The following TRA2B variants were observed in gnomAD, a reference collection of about 807,000 sequenced individuals.
TRA2B encodes transformer 2 beta homolog.
In TRA2B, 14 loss-of-function variants were observed where a neutral mutation model predicts 41.7. That is an observed-to-expected ratio of 0.34 (90% CI 0.22 to 0.53). The LOEUF is 0.53. Among genes scored for constraint, TRA2B ranks in the 20% least tolerant of loss-of-function variants. The pLI is 0.95. For missense variants in TRA2B, 167 were observed against 396.8 expected, an observed-to-expected ratio of 0.42 and a Z score of 4.92; for synonymous variants, 130 against 128.8, an observed-to-expected ratio of 1.01 and a Z score of -0.06.
intron 1 of TRA2B, among the ~76,000 whole-genome samples, chr3:185,930,793 A>T (rs1353593501): frequency 6.6e-6 from 1 of 152,194 alleles, no homozygotes; most frequent in Admixed American, 6.5e-5. Context: ...TACCTCTAAC[A>T]TTACAATAGC....
rs922325141 is a variant in TRA2B, at chr3:185,916,713, G to C, written c.*1002C>G. ...AAGAACTCTAATTATAATAGAACAA[G>C]AACACTTCTTTGTGAACAGCTGCAC... On this transcript the variant is annotated 3_prime_UTR_variant, in exon 9 of 9. Coordinates refer to ENST00000453386, the MANE Select transcript of TRA2B (RefSeq NM_004593.3). 1 of 152,558 alleles carries C rather than the reference G, an allele frequency of 6.6e-6. No homozygotes were observed. Among genetic ancestry groups the C allele is most frequent in the African/African-American group, 2.4e-5 (1 of 41,422 alleles). The allele number at this position is 152,558 out of a possible 1,614,324, so 9.5% of individuals were successfully genotyped here.
chr3:185,921,630 G>A (rs960118768), intron 5 of TRA2B, among the ~76,000 whole-genome samples: 10 of 152,084 alleles, frequency 6.6e-5, no homozygotes, highest in African/African-American at 2.2e-4. Flanking sequence ...CGGACGTTGC[G>A]ACACGCGCCT....
intron 1 of TRA2B, among the ~76,000 whole-genome samples, chr3:185,929,360 T>A (rs1038900836): frequency 6.6e-6 from 1 of 152,136 alleles, no homozygotes; most frequent in African/African-American, 2.4e-5. Flanking sequence ...AAAAACCAGT[T>A]GGGGAAGTCC....
Position 185,920,070 on chromosome 3 carries a change from T to C in TRA2B, c.723-574A>G, listed in dbSNP as rs375236021. On this transcript the variant is annotated intron_variant, in intron 6 of 8. Coordinates refer to ENST00000453386, the MANE Select transcript of TRA2B (RefSeq NM_004593.3). ...ATCTTTGGAAGTATTCTCAAAGATA[T>C]CTTTATTTTTAAACTATGATTGACA... Among the ~76,000 whole-genome samples the C allele has an allele frequency of 2.7e-4, 41 of 152,294 alleles. 1 individual carries two copies. The East Asian group carries it at 4.2e-3, about 16-fold the overall frequency.
intron 1 of TRA2B, among the ~76,000 whole-genome samples, chr3:185,933,915 G>A (rs1385538869): frequency 6.6e-6 from 1 of 151,884 alleles, no homozygotes; most frequent in Non-Finnish European, 1.5e-5. Flanking sequence ...ACAAAAATTA[G>A]AGAAAAAGGG....
At chr3:185,927,833 C>G (rs375486803) in intron 1 of TRA2B, 2 of 152,344 alleles carry the variant, frequency 1.3e-5, no homozygotes, top group African/African-American at 2.4e-5. Flanking sequence ...GAGGAAAGGA[C>G]AGAACCTACT....
chr3:185,932,288 G>A (rs1410762859), intron 1 of TRA2B, among the ~76,000 whole-genome samples: 1 of 152,174 alleles, frequency 6.6e-6, no homozygotes, highest in Non-Finnish European at 1.5e-5. Flanking sequence ...GCTCAGGGTT[G>A]AAGAGGTTTA....
rs1386973407 is a variant in TRA2B, at chr3:185,917,307, T to C, written c.*408A>G. On this transcript the variant is annotated 3_prime_UTR_variant, in exon 9 of 9. Coordinates refer to ENST00000453386, the MANE Select transcript of TRA2B (RefSeq NM_004593.3). Reference sequence around the variant, plus strand: ...ACAATCTGAATAGTTCTGCTAAGCATTGATATGTTAGAAAGAAAAGTAAAA... The same window carrying C: ...ACAATCTGAATAGTTCTGCTAAGCACTGATATGTTAGAAAGAAAAGTAAAA... 1.7e-5 allele frequency: 3 copies of C among 178,554 alleles called. No individual in the cohort carries two copies. The South Asian group carries it at 4.6e-4, about 27-fold the overall frequency. 11.1% of individuals were successfully genotyped at this position (178,554 alleles called of 1,614,324 possible). A position where few individuals can be genotyped will look rare whatever the true frequency, so the allele number is the denominator to read the frequency against.
Position 185,938,011 on chromosome 3 carries a change from C to A in TRA2B, c.-151G>T, listed in dbSNP as rs1017414981. The A allele has an allele frequency of 4.3e-5, 36 of 829,674 alleles. 1 individual carries two copies. The highest frequency in any genetic ancestry group is 2.7e-4 in the South Asian group (17 of 61,854). The allele number at this position is 829,674 out of a possible 1,614,324, so 51.4% of individuals were successfully genotyped here. ...ATGCTCCGCACCGCCTCCGCACGGG[C>A]TCTAACTCTACCGGATGTGACGCGG... On this transcript the variant is annotated 5_prime_UTR_variant, in exon 1 of 9. Coordinates refer to ENST00000453386, the MANE Select transcript of TRA2B (RefSeq NM_004593.3).
At chr3:185,935,338 T>G (rs1744306327) in intron 1 of TRA2B, 6 of 982,722 alleles carry the variant, frequency 6.1e-6, no homozygotes, top group Middle Eastern at 5.2e-4. Flanking sequence ...ATCTATTACC[T>G]TTGAGAGGGG....
chr3:185,936,762 T>C, intron 1 of TRA2B: 1 of 985,252 alleles, frequency 1.0e-6, no homozygotes, highest in Non-Finnish European at 1.2e-6. Flanking sequence ...TTCTAACAGA[T>C]TCCTCTTAAT....
At chr3:185,936,307 A>G in intron 1 of TRA2B, 1 of 985,464 alleles carries the variant, frequency 1.0e-6, no homozygotes, top group Non-Finnish European at 1.2e-6. Flanking sequence ...ACGACTTTTT[A>G]ACAACTTTTG....
intron 1 of TRA2B, among the ~76,000 whole-genome samples, chr3:185,932,848 T>C (rs1744201844): frequency 6.6e-6 from 1 of 152,154 alleles, no homozygotes; most frequent in Admixed American, 6.5e-5. Context: ...TTTTTCCTCC[T>C]GAAAAAAATG....
chr3:185,925,565 G>T lies in TRA2B; in HGVS notation c.232C>A (p.His78Asn). Residue 78 changes from histidine (H) to asparagine (N), a missense_variant, in exon 3 of 9, where the codon CAT becomes AAT. By Grantham distance (68) the His-to-Asn change is moderately conservative. Around this residue, in one of 5 missense-constraint regions of TRA2B, gnomAD observed 94 missense variants for 133.4 expected, o/e 0.70. Coordinates refer to ENST00000453386, the MANE Select transcript of TRA2B (RefSeq NM_004593.3). Reference protein sequence around the residue: ...YTRSRSRSRSHRRSRSRSYSR... With the variant: ...YTRSRSRSRSNRRSRSRSYSR... ...TAAGACCTGCTACGTGATCGTCTAT[G>T]GGAGCGGGAGCGAGACCGTGACCGG... 1 of 1,614,168 alleles carries T rather than the reference G, an allele frequency of 6.2e-7. No individual in the cohort carries two copies. Among genetic ancestry groups the T allele is most frequent in the South Asian group, 1.1e-5 (1 of 91,086 alleles).
chr3:185,933,651 A>AT (rs1000040289), intron 1 of TRA2B, among the ~76,000 whole-genome samples: 24 of 152,266 alleles, frequency 1.6e-4, no homozygotes, highest in African/African-American at 5.8e-4. Flanking sequence ...AATAAGGACT[A>AT]TATTTTTTTC....
At position 185,914,612 on chromosome 3, in the gene TRA2B, C is replaced by CT. The variant is rs532363779; in HGVS notation, c.*3102dup. On this transcript the variant is annotated 3_prime_UTR_variant, in exon 9 of 9. Coordinates refer to ENST00000453386, the MANE Select transcript of TRA2B (RefSeq NM_004593.3). ...ATATTAAAGATTACACATAATAATC[C>CT]TTTACACTATATACAATAATCCTTT... 2.5e-3 allele frequency among the ~76,000 whole-genome samples: 377 copies of CT among 152,050 alleles called. 6 individuals carry two copies. The highest frequency in any genetic ancestry group is 9.6e-4 in the East Asian group (5 of 5,188).
Position 185,935,893 on chromosome 3 carries a change from T to C in TRA2B, c.36+1932A>G, listed in dbSNP as rs757848992. 423 of 984,536 alleles carry C rather than the reference T, an allele frequency of 4.3e-4. 1 individual carries two copies. The highest frequency in any genetic ancestry group is 1.0e-3 in the Middle Eastern group (2 of 1,936). The allele number at this position is 984,536 out of a possible 1,614,324, so 61.0% of individuals were successfully genotyped here. A position where few individuals can be genotyped will look rare whatever the true frequency, so the allele number is the denominator to read the frequency against. On this transcript the variant is annotated intron_variant, in intron 1 of 8. Coordinates refer to ENST00000453386, the MANE Select transcript of TRA2B (RefSeq NM_004593.3). Reference sequence around the variant, plus strand: ...CTCGGCCAGAAAGCGAAGACTCTTATGTAAGAAAAAAAACTCAATTTTTAA... The same window carrying C: ...CTCGGCCAGAAAGCGAAGACTCTTACGTAAGAAAAAAAACTCAATTTTTAA...
At chr3:185,929,351 A>T (rs1744065867) in intron 1 of TRA2B, among the ~76,000 whole-genome samples, 1 of 152,202 alleles carries the variant, frequency 6.6e-6, no homozygotes, top group Admixed American at 6.5e-5. Flanking sequence ...TAAAGCTATA[A>T]AAACCAGTTG....
intron 6 of TRA2B, among the ~76,000 whole-genome samples, chr3:185,919,848 GACTC>G (rs1246825910): frequency 2.0e-5 from 3 of 152,000 alleles, no homozygotes; most frequent in East Asian, 1.9e-4. Context: ...TACACTTACA[GACTC>G]ACTTTCAGAC....
Sources: gnomAD v4.1 joint callset for allele counts (sites outside exome capture counted in the v4.1 genomes callset) on GRCh38, gnomAD v4.1.1 for gene constraint, gnomAD v4.1.1 regional missense constraint, MANE v1.5 for transcripts, NCBI Gene and HGNC (gene_info 2026-07-23, HGNC 2026-07-21) for gene names.